The following GDI2 variants were observed in gnomAD, a reference collection of about 807,000 sequenced individuals.
The protein encoded by GDI2 is GDP dissociation inhibitor 2, also known as rab GDP dissociation inhibitor beta.
GDI2 carries 22 observed loss-of-function variants against 54.2 expected under a neutral mutation model. The observed-to-expected ratio is 0.41, with a 90% confidence interval of 0.29 to 0.58. The LOEUF (loss-of-function observed/expected upper bound fraction) is 0.58, where lower values mean the gene tolerates loss of function less well. Ranked by LOEUF, GDI2 falls within the 20% of genes least tolerant of loss-of-function variation. The probability of loss-of-function intolerance (pLI) is 0.35; values close to 1 mark genes in which losing one functional copy is unlikely to be tolerated. For synonymous variants in GDI2, 177 were observed against 182.1 expected (o/e 0.97, Z 0.23); for missense variants, 422 against 546.0 (o/e 0.77, Z 2.26).
chr10:5,785,192 T>C lies in GDI2; in HGVS notation c.669A>G (p.Pro223=). 11 of 1,612,462 alleles carry C rather than the reference T, an allele frequency of 6.8e-6. No homozygotes were observed. The highest frequency in any genetic ancestry group is 4.5e-5 in the East Asian group (2 of 44,860). ...SESLARYGKS[P]YLYPLYGLGE... is the part of the protein sequence containing the mutation. ...CAAGGCCATAGAGTGGATAAAGGTATGGGCTTTTGCCATATCTTGCCAAAG... is the reference window on the plus strand; with the variant it reads ...CAAGGCCATAGAGTGGATAAAGGTACGGGCTTTTGCCATATCTTGCCAAAG... Residue 223 remains proline, a synonymous_variant, in exon 6 of 11, where the codon CCA becomes CCG. Coordinates refer to ENST00000380191, the MANE Select transcript of GDI2 (RefSeq NM_001494.4).
At chr10:5,773,471 A>C (rs1439824589) in intron 7 of GDI2, among the ~76,000 whole-genome samples, 1 of 152,126 alleles carries the variant, frequency 6.6e-6, no homozygotes, top group Non-Finnish European at 1.5e-5. Flanking sequence ...CAGATTAATG[A>C]TGCTTTATAT....
chr10:5,780,240 A>G (rs1840724146), intron 6 of GDI2, among the ~76,000 whole-genome samples: 1 of 151,498 alleles, frequency 6.6e-6, no homozygotes, highest in Non-Finnish European at 1.5e-5. Context: ...AAACAAACAA[A>G]AAAACAGACC....
At chr10:5,807,977 A>C (rs1311936544) in intron 1 of GDI2, among the ~76,000 whole-genome samples, 1 of 152,224 alleles carries the variant, frequency 6.6e-6, no homozygotes, top group Non-Finnish European at 1.5e-5. Context: ...AGAGCAATTT[A>C]GACTTGGAAG....
At chr10:5,792,094 G>A (rs1216789203) in intron 4 of GDI2, among the ~76,000 whole-genome samples, 2 of 152,174 alleles carry the variant, frequency 1.3e-5, no homozygotes, top group Non-Finnish European at 2.9e-5. Context: ...AAAAGAATTA[G>A]AAGGTATGTA....
chr10:5,794,189 ATATATATATATATATAT>A lies in GDI2; in HGVS notation c.388+679_388+695del, dbSNP rs1287338072. 5.7e-3 allele frequency among the ~76,000 whole-genome samples: 193 copies of A among 33,968 alleles called. 19 individuals are homozygous for A. In the South Asian group the frequency reaches 0.075, roughly 13 times the overall value. The allele number at this position is 33,968 out of a possible 152,430, so 22.3% of individuals were successfully genotyped here. A position where few individuals can be genotyped will look rare whatever the true frequency, so the allele number is the denominator to read the frequency against. ...CTTTAAAAGAAAAAAAAAAAAAAAAATATATATATATATATATATATATATATATATATATATATATA... is the reference window on the plus strand; with the variant it reads ...CTTTAAAAGAAAAAAAAAAAAAAAAAATATATATATATATATATATATATA... On this transcript the variant is annotated intron_variant, in intron 4 of 10. Coordinates refer to ENST00000380191, the MANE Select transcript of GDI2 (RefSeq NM_001494.4).
intron 1 of GDI2, 81 bp downstream of exon 1, chr10:5,813,133 C>T (rs537964384): frequency 4.8e-6 from 4 of 830,474 alleles, no homozygotes; most frequent in South Asian, 1.7e-5. Flanking sequence ...CCCCGAGGAG[C>T]TGCGACCCGC....
chr10:5,770,867 G>A (rs1840473173), intron 7 of GDI2, among the ~76,000 whole-genome samples: 1 of 148,274 alleles, frequency 6.7e-6, no homozygotes, highest in South Asian at 2.1e-4. Context: ...TCAGGAGGTT[G>A]AGGCAGGAGA....
At chr10:5,808,123 G>A (rs895625925) in intron 1 of GDI2, among the ~76,000 whole-genome samples, 6 of 152,122 alleles carry the variant, frequency 3.9e-5, no homozygotes, top group Non-Finnish European at 8.8e-5. Context: ...AACTGCTTGA[G>A]CCCAGGAGTT....
chr10:5,781,550 A>T (rs1840756816), intron 6 of GDI2, among the ~76,000 whole-genome samples: 2 of 147,792 alleles, frequency 1.4e-5, no homozygotes, highest in Non-Finnish European at 3.0e-5. Flanking sequence ...GCGTGAACCC[A>T]GGAGGCAGAG....
intron 1 of GDI2, among the ~76,000 whole-genome samples, chr10:5,806,493 AT>A (rs1342741983): frequency 6.6e-6 from 1 of 151,674 alleles, no homozygotes; most frequent in African/African-American, 2.4e-5. Flanking sequence ...ATTTTTCCCC[AT>A]TTTTTAAATG....
chr10:5,810,535 T>C (rs753766859), intron 1 of GDI2, among the ~76,000 whole-genome samples: 1 of 152,208 alleles, frequency 6.6e-6, no homozygotes, highest in Non-Finnish European at 1.5e-5. Context: ...TCAAAAAGCA[T>C]AGCAGCCTGA....
At position 5,765,525 on chromosome 10, in the gene GDI2, G is replaced by A. The variant is rs1381765548; in HGVS notation, c.*481C>T. 6.6e-6 allele frequency: 1 copy of A among 152,478 alleles called. No individual in the cohort carries two copies. Among genetic ancestry groups the A allele is most frequent in the Non-Finnish European group, 1.5e-5 (1 of 68,240 alleles). The allele number at this position is 152,478 out of a possible 1,614,324, so 9.4% of individuals were successfully genotyped here. A position where few individuals can be genotyped will look rare whatever the true frequency, so the allele number is the denominator to read the frequency against. Reference sequence around the variant, plus strand: ...AACCAAACTTGTGGCTATGCTATTTGGGCCCTGCCATAACATTTGACATAA... The same window carrying A: ...AACCAAACTTGTGGCTATGCTATTTAGGCCCTGCCATAACATTTGACATAA... On this transcript the variant is annotated 3_prime_UTR_variant, in exon 11 of 11. Coordinates refer to ENST00000380191, the MANE Select transcript of GDI2 (RefSeq NM_001494.4).
At chr10:5,781,431 TC>T (rs1840752009) in intron 6 of GDI2, among the ~76,000 whole-genome samples, 1 of 150,258 alleles carries the variant, frequency 6.7e-6, no homozygotes, top group South Asian at 2.1e-4. Context: ...ATCGACACCA[TC>T]CCGGCTAACA....
At chr10:5,787,515 A>C (rs536789102) in intron 4 of GDI2, among the ~76,000 whole-genome samples, 1 of 152,364 alleles carries the variant, frequency 6.6e-6, no homozygotes, top group East Asian at 1.9e-4. Flanking sequence ...CTCAAAAAAA[A>C]AAAAGAAACA....
At chr10:5,809,560 G>C (rs1191479725) in intron 1 of GDI2, among the ~76,000 whole-genome samples, 1 of 152,104 alleles carries the variant, frequency 6.6e-6, no homozygotes, top group African/African-American at 2.4e-5. Flanking sequence ...CTGATTCCCT[G>C]ACTGAACTCA....
intron 1 of GDI2, among the ~76,000 whole-genome samples, chr10:5,801,591 G>C (rs1841270774): frequency 6.6e-6 from 1 of 152,098 alleles, no homozygotes; most frequent in Non-Finnish European, 1.5e-5. Flanking sequence ...CAGGTGAATT[G>C]CTTGAACCTG....
chr10:5,803,839 T>C (rs1190478103), intron 1 of GDI2, among the ~76,000 whole-genome samples: 1 of 152,204 alleles, frequency 6.6e-6, no homozygotes, highest in South Asian at 2.1e-4. Context: ...CAGTGCTTTA[T>C]TTCTTAAAGA....
intron 6 of GDI2, among the ~76,000 whole-genome samples, chr10:5,782,482 G>A (rs921854306): frequency 3.9e-5 from 6 of 152,056 alleles, no homozygotes; most frequent in African/African-American, 1.4e-4. Flanking sequence ...TACCCAAAAG[G>A]AAATGAAAAC....
chr10:5,794,184 AAAAAATATATATATAT>A (rs1841082420), intron 4 of GDI2, among the ~76,000 whole-genome samples: 2 of 52,710 alleles, frequency 3.8e-5, no homozygotes, highest in Admixed American at 5.7e-4. Flanking sequence ...AAAAAAAAAA[AAAAAATATATATATAT>A]ATATATATAT....
Sources: allele counts gnomAD v4.1 joint callset (sites outside exome capture counted in the v4.1 genomes callset), GRCh38; gene constraint gnomAD v4.1.1; transcripts MANE v1.5; gene names NCBI Gene and HGNC (gene_info 2026-07-23, HGNC 2026-07-21).